Variants in LAMA3 observed in about 807,000 individuals in gnomAD.
LAMA3 encodes laminin subunit alpha-3.
In LAMA3, 281 loss-of-function variants were observed where a neutral mutation model predicts 402.0. The ratio of observed to expected loss-of-function variants is 0.70; its 90% confidence interval spans 0.63 to 0.77. The LOEUF (loss-of-function observed/expected upper bound fraction) is 0.77, where lower values mean the gene tolerates loss of function less well. LAMA3 is among the 30% of genes least tolerant of loss of function. The probability of loss-of-function intolerance (pLI) is 0.00; values close to 1 mark genes in which losing one functional copy is unlikely to be tolerated. For missense variants in LAMA3, 3,840 were observed against 4,215.5 expected, an observed-to-expected ratio of 0.91 and a Z score of 2.47; for synonymous variants, 1,431 against 1,558.4, an observed-to-expected ratio of 0.92 and a Z score of 1.93.
At chr18:23,942,869 T>C (rs1172249646) in intron 68 of LAMA3, among the ~76,000 whole-genome samples, 1 of 152,128 alleles carries the variant, frequency 6.6e-6, no homozygotes. Context: ...AGTGCTGAGA[T>C]TACAGGCGTG....
At chr18:23,735,775 G>A (rs1375337070) in intron 2 of LAMA3, among the ~76,000 whole-genome samples, 1 of 152,044 alleles carries the variant, frequency 6.6e-6, no homozygotes, top group African/African-American at 2.4e-5. Context: ...TTTCCAGATG[G>A]TGAGTGTGGA....
At chr18:23,700,706 CTTTTT>C (rs59113459) in intron 1 of LAMA3, among the ~76,000 whole-genome samples, 8 of 151,356 alleles carry the variant, frequency 5.3e-5, no homozygotes, top group East Asian at 3.9e-4. Flanking sequence ...CTTTTCTTTT[CTTTTT>C]TTTTGAGGCA....
At chr18:23,708,301 C>T (rs532584476) in intron 1 of LAMA3, among the ~76,000 whole-genome samples, 1 of 152,160 alleles carries the variant, frequency 6.6e-6, no homozygotes, top group Non-Finnish European at 1.5e-5. Flanking sequence ...CCTTGAAGGG[C>T]AAGTTTCCTC....
chr18:23,780,081 C>T (rs1423086221), intron 11 of LAMA3, among the ~76,000 whole-genome samples: 7 of 152,124 alleles, frequency 4.6e-5, no homozygotes, highest in Admixed American at 2.0e-4. Context: ...ATGCCAGTAA[C>T]GGAGAATTTA....
intron 2 of LAMA3, among the ~76,000 whole-genome samples, chr18:23,742,267 T>C (rs921434934): frequency 2.0e-5 from 3 of 152,232 alleles, no homozygotes; most frequent in African/African-American, 7.2e-5. Context: ...CATTTTGGAC[T>C]GTTCAAAATG....
intron 24 of LAMA3, among the ~76,000 whole-genome samples, chr18:23,836,563 A>G (rs982807115): frequency 6.6e-5 from 10 of 152,206 alleles, no homozygotes; most frequent in African/African-American, 2.4e-4. Context: ...GGGTCTTTCC[A>G]TGCTGGAGGA....
In LAMA3 at chr18:23,894,972, G is replaced by T. The variant is rs751707531; in HGVS notation, c.5527G>T (p.Val1843Phe). The T allele has an allele frequency of 6.2e-6, 10 of 1,614,106 alleles. No individual in the cohort carries two copies. Among genetic ancestry groups the T allele is most frequent in the Non-Finnish European group, 8.5e-6 (10 of 1,179,988 alleles). The change falls in exon 44 of 75, where the codon GTC becomes TTC. Residue 1843 changes from valine to phenylalanine, a missense_variant. Coordinates refer to ENST00000313654, the MANE Select transcript of LAMA3 (RefSeq NM_198129.4). ...LATMGEQLRLVKSQLQGLSAS... is the reference protein window; with the variant it reads ...LATMGEQLRLFKSQLQGLSAS... ...CACCATGGGCGAGCAGCTCCGCCTG[G>T]TCAAGTCTCAGCTGCAGGGCCTGAG...
intron 33 of LAMA3, 36 bp from the exon 34 acceptor site, chr18:23,858,653 A>G (rs769519870): frequency 1.2e-6 from 2 of 1,611,644 alleles, no homozygotes; most frequent in Non-Finnish European, 1.7e-6. Context: ...AAATTTTGGA[A>G]CACGTGATCT....
intron 17 of LAMA3, 71 bp from the exon 18 acceptor site, chr18:23,816,317 T>C: frequency 8.4e-7 from 1 of 1,187,312 alleles, no homozygotes; most frequent in Non-Finnish European, 1.3e-6. Flanking sequence ...TTTTCCTTTC[T>C]TGTACAGCAG....
At chr18:23,791,212 T>C (rs937397069) in intron 12 of LAMA3, among the ~76,000 whole-genome samples, 2 of 152,196 alleles carry the variant, frequency 1.3e-5, no homozygotes, top group Admixed American at 6.5e-5. Flanking sequence ...TTGTCTTTAC[T>C]ATTCTTCCTT....
At chr18:23,892,734 C>T (rs970260469) in intron 42 of LAMA3, among the ~76,000 whole-genome samples, 2 of 151,938 alleles carry the variant, frequency 1.3e-5, no homozygotes, top group African/African-American at 4.8e-5. Context: ...GAAACCCTGT[C>T]TCTACTAAAA....
At position 23,918,953 on chromosome 18, in the gene LAMA3, A is replaced by G. The variant is rs1405233266; in HGVS notation, c.7924-1982A>G. Among the ~76,000 whole-genome samples, 3 of 152,258 alleles carry G rather than the reference A, an allele frequency of 2.0e-5. No individual in the cohort carries two copies. Among genetic ancestry groups the G allele is most frequent in the African/African-American group, 7.2e-5 (3 of 41,476 alleles). On this transcript the variant is annotated intron_variant, in intron 60 of 74. Coordinates refer to ENST00000313654, the MANE Select transcript of LAMA3 (RefSeq NM_198129.4). The surrounding 1 kb of genome is among the most constrained non-coding windows in gnomAD (Gnocchi z 4.1). ...AGGTCCCAGCCAGCCTGAAGGATAC[A>G]TAGAGCAGAGAAGTCATCCAGCATC...
rs1031821075 is a variant in LAMA3 at position 23,692,126 on chromosome 18, C to T, written c.294+2149C>T. Among the ~76,000 whole-genome samples, 3 of 152,190 alleles carry T rather than the reference C, an allele frequency of 2.0e-5. 1 individual carries two copies. Among genetic ancestry groups the T allele is most frequent in the Non-Finnish European group, 4.4e-5 (3 of 68,030 alleles). The stretch of plus-strand genomic sequence containing the variant: ...CTGTACACGTCTTTTGCTGTCTAAG[C>T]TACTAAATCATGGTACTATAGCTCT... On this transcript the variant is annotated intron_variant, in intron 1 of 74. Coordinates refer to ENST00000313654, the MANE Select transcript of LAMA3 (RefSeq NM_198129.4).
At chr18:23,949,978 G>A (rs369214124) in intron 71 of LAMA3, 51 bp from the exon 72 acceptor site, 51 of 1,613,938 alleles carry the variant, frequency 3.2e-5, no homozygotes, top group Non-Finnish European at 4.1e-5. Context: ...ACTGTATCCT[G>A]TTTTCTTTCA....
chr18:23,814,030 A>G (rs2063129155), intron 14 of LAMA3, among the ~76,000 whole-genome samples: 1 of 152,154 alleles, frequency 6.6e-6, no homozygotes, highest in Non-Finnish European at 1.5e-5. Context: ...CAGATAAACA[A>G]TTCTTTACTG....
At position 23,816,464 on chromosome 18, in the gene LAMA3, T is replaced by A; in HGVS notation, c.2124T>A (p.His708Gln). The change falls in exon 18 of 75, where the codon CAT becomes CAA. Residue 708 changes from histidine (H) to glutamine (Q), a missense_variant. His to Gln is a conservative substitution (Grantham distance 24). This residue lies in a region of LAMA3 where 2,109 missense variants were observed against 2,376.0 expected (regional missense o/e 0.89). Transcript: ENST00000313654. Reference protein sequence around the residue: ...GPSGVCQCREHVVGKVCQRPE... With the variant: ...GPSGVCQCREQVVGKVCQRPE... ...CGGGAGTGTGCCAGTGCCGAGAGCA[T>A]GTCGTGGGAAAGGTGTGCCAGCGGT... is the stretch of plus-strand genomic sequence containing the variant. The A allele has an allele frequency of 2.5e-6, 4 of 1,614,008 alleles. No homozygotes were observed. Among genetic ancestry groups the A allele is most frequent in the Non-Finnish European group, 3.4e-6 (4 of 1,179,974 alleles).
intron 12 of LAMA3, among the ~76,000 whole-genome samples, chr18:23,799,792 G>A (rs2062835298): frequency 6.6e-6 from 1 of 152,172 alleles, no homozygotes; most frequent in South Asian, 2.1e-4. Flanking sequence ...GATTGCGAGG[G>A]CTGACAGGTC....
intron 55 of LAMA3, among the ~76,000 whole-genome samples, chr18:23,910,288 C>T (rs183939672): frequency 6.6e-6 from 1 of 152,176 alleles, no homozygotes; most frequent in African/African-American, 2.4e-5. Flanking sequence ...TGTCTCTTTA[C>T]CTCTCTGTGC....
intron 6 of LAMA3, 70 bp from the exon 7 acceptor site, chr18:23,758,326 G>T: frequency 1.8e-6 from 2 of 1,102,480 alleles, no homozygotes; most frequent in Non-Finnish European, 2.7e-6. Context: ...TGTCAGGTTC[G>T]CACTATAGGA....
Sources: allele counts gnomAD v4.1 joint callset (sites outside exome capture counted in the v4.1 genomes callset), GRCh38; gene constraint gnomAD v4.1.1; regional missense constraint gnomAD v4.1.1; non-coding constraint Gnocchi (gnomAD v3.1); transcripts MANE v1.5; gene names NCBI Gene and HGNC (gene_info 2026-07-23, HGNC 2026-07-21).